Variants in ARHGEF28 observed in about 807,000 individuals in gnomAD.
ARHGEF28 encodes Rho guanine nucleotide exchange factor 28, also known as 190 kDa guanine nucleotide exchange factor.
ARHGEF28 carries 152 observed loss-of-function variants against 206.6 expected under a neutral mutation model. That is an observed-to-expected ratio of 0.74 (90% CI 0.64 to 0.84). ARHGEF28 has a LOEUF of 0.84. ARHGEF28 is among the 40% of genes least tolerant of loss of function. ARHGEF28 has a pLI of 0.00. For missense variants in ARHGEF28, 2,028 were observed against 2,073.2 expected, an observed-to-expected ratio of 0.98 and a Z score of 0.42; for synonymous variants, 763 against 776.4, an observed-to-expected ratio of 0.98 and a Z score of 0.29.
chr5:73,862,781 T>A (rs1257535446), intron 16 of ARHGEF28, among the ~76,000 whole-genome samples: 2 of 152,124 alleles, frequency 1.3e-5, no homozygotes, highest in Non-Finnish European at 2.9e-5. Context: ...TTGACACTTT[T>A]ATTCAGCTCT....
chr5:73,904,629 T>A (rs1762451089), intron 33 of ARHGEF28: 9 of 527,232 alleles, frequency 1.7e-5, no homozygotes, highest in Admixed American at 3.7e-5. Flanking sequence ...ATAAAACAGT[T>A]CATATCTTTA....
intron 10 of ARHGEF28, among the ~76,000 whole-genome samples, chr5:73,837,745 GTTT>G (rs565925682): frequency 1.5e-5 from 2 of 132,642 alleles, no homozygotes; most frequent in African/African-American, 5.5e-5. Context: ...CTTTCGTTTT[GTTT>G]TTTTTTTTTT....
At chr5:73,851,406 CTTTTT>C (rs77725087) in intron 13 of ARHGEF28, among the ~76,000 whole-genome samples, 1 of 139,332 alleles carries the variant, frequency 7.2e-6, no homozygotes, top group Admixed American at 7.1e-5. Flanking sequence ...TCTCATGCGT[CTTTTT>C]TTTTTTTTTG....
At chr5:73,843,184 A>G (rs1450082443) in intron 11 of ARHGEF28, among the ~76,000 whole-genome samples, 1 of 152,178 alleles carries the variant, frequency 6.6e-6, no homozygotes, top group Non-Finnish European at 1.5e-5. Context: ...TGGAAAGTTT[A>G]ACATTTCACT....
chr5:73,927,280 G>C (rs1344515040), intron 35 of ARHGEF28, among the ~76,000 whole-genome samples: 1 of 152,130 alleles, frequency 6.6e-6, no homozygotes, highest in Non-Finnish European at 1.5e-5. Flanking sequence ...GGGGGGCTGA[G>C]GCAGGAGGAT....
At chr5:73,636,854 T>A (rs1420519460) in intron 1 of ARHGEF28, among the ~76,000 whole-genome samples, 1 of 152,166 alleles carries the variant, frequency 6.6e-6, no homozygotes, top group East Asian at 1.9e-4. Flanking sequence ...GTAAGGATGG[T>A]GTCTTAAGCC....
intron 35 of ARHGEF28, among the ~76,000 whole-genome samples, chr5:73,936,831 G>T: frequency 6.6e-6 from 1 of 152,206 alleles, no homozygotes; most frequent in East Asian, 1.9e-4. Flanking sequence ...GCTCCGCAAA[G>T]TGCTGAGATT....
At chr5:73,763,409 C>A (rs1752717401) in intron 4 of ARHGEF28, among the ~76,000 whole-genome samples, 1 of 152,150 alleles carries the variant, frequency 6.6e-6, no homozygotes, top group Admixed American at 6.5e-5. Flanking sequence ...CTGAATGGAC[C>A]CTGCCTGGCT....
intron 1 of ARHGEF28, among the ~76,000 whole-genome samples, chr5:73,669,631 C>T (rs1198353941): frequency 4.6e-5 from 7 of 152,138 alleles, no homozygotes; most frequent in African/African-American, 9.7e-5. Context: ...AATATAACAA[C>T]GAATATAGAC....
intron 1 of ARHGEF28, among the ~76,000 whole-genome samples, chr5:73,633,470 T>C (rs897281807): frequency 6.6e-6 from 1 of 152,146 alleles, no homozygotes; most frequent in Non-Finnish European, 1.5e-5. Flanking sequence ...TTTTTGTCTA[T>C]TTCTCTCATA....
chr5:73,657,004 A>G (rs1018469448), intron 1 of ARHGEF28, among the ~76,000 whole-genome samples: 1 of 151,964 alleles, frequency 6.6e-6, no homozygotes, highest in African/African-American at 2.4e-5. Context: ...TCCTGTCTCT[A>G]CTAAAAAATA....
In ARHGEF28 at chr5:73,904,370, A is replaced by T. The variant is rs1403028361; in HGVS notation, c.4126A>T (p.Ile1376Leu). 2 of 1,613,252 alleles carry T rather than the reference A, an allele frequency of 1.2e-6. No homozygotes were observed. Among genetic ancestry groups the T allele is most frequent in the African/African-American group, 2.7e-5 (2 of 75,038 alleles). Reference sequence around the variant, plus strand: ...TTTTGTTTTTCAGATTATACAAGCCATACAGAATTTAACCCGTCTCTTATA... The same window carrying T: ...TTTTGTTTTTCAGATTATACAAGCCTTACAGAATTTAACCCGTCTCTTATA... ...GSSQSEIIQA[I>L]QNLTRLLYSL... The change falls in exon 33 of 36, where the codon ATA (isoleucine) becomes TTA (leucine). Residue 1376 changes from isoleucine to leucine, a missense_variant. By Grantham distance (5) the Ile-to-Leu change is conservative (BLOSUM62 2). Around this residue, in one of 3 missense-constraint regions of ARHGEF28, gnomAD observed 803 missense variants for 768.0 expected, o/e 1.05. Coordinates refer to ENST00000513042, the MANE Select transcript of ARHGEF28 (RefSeq NM_001177693.2).
chr5:73,903,863 GAC>G (rs1297002070), intron 31 of ARHGEF28: 5 of 256,618 alleles, frequency 1.9e-5, no homozygotes, highest in Non-Finnish European at 3.7e-5. Flanking sequence ...TGACCCAAAA[GAC>G]AACTTCAGTC....
chr5:73,749,526 G>A (rs571217589), intron 2 of ARHGEF28, among the ~76,000 whole-genome samples: 3 of 152,240 alleles, frequency 2.0e-5, no homozygotes, highest in East Asian at 1.9e-4. Flanking sequence ...AAAAGCAAAC[G>A]GCAACGAAGT....
chr5:73,685,556 G>A (rs1747409270), intron 2 of ARHGEF28, among the ~76,000 whole-genome samples: 2 of 152,124 alleles, frequency 1.3e-5, no homozygotes, highest in South Asian at 2.1e-4. Context: ...GGGCCTGGGT[G>A]TGTGAGGAGA....
intron 2 of ARHGEF28, among the ~76,000 whole-genome samples, chr5:73,740,749 A>G (rs1013569450): frequency 1.4e-4 from 22 of 152,050 alleles, no homozygotes; most frequent in Non-Finnish European, 2.8e-4. Context: ...AGCTTTGTCT[A>G]TATTTGTATT....
intron 2 of ARHGEF28, among the ~76,000 whole-genome samples, chr5:73,749,243 G>A (rs73763103): frequency 0.075 from 11,463 of 152,262 alleles, 1,471 homozygotes; most frequent in African/African-American, 0.26. Context: ...GATTCTTACA[G>A]CTGACTATGG....
chr5:73,876,447 C>G lies in ARHGEF28; in HGVS notation c.2814+3201C>G, dbSNP rs1389960064. Among the ~76,000 whole-genome samples the G allele has an allele frequency of 3.1e-5, 4 of 130,370 alleles. No individual in the cohort carries two copies. The Middle Eastern group carries it at 0.015, about 498-fold the overall frequency. The allele number at this position is 130,370 out of a possible 152,430, so 85.5% of individuals were successfully genotyped here. On this transcript the variant is annotated intron_variant, in intron 22 of 35. Transcript: ENST00000513042. Reference sequence around the variant, plus strand: ...TGCCTAATTGCCCTGGCCAGAACTTCCAACACTATGTTGAATAGGAGTGGT... The same window carrying G: ...TGCCTAATTGCCCTGGCCAGAACTTGCAACACTATGTTGAATAGGAGTGGT...
chr5:73,652,724 C>T (rs1269129029), intron 1 of ARHGEF28, among the ~76,000 whole-genome samples: 1 of 152,206 alleles, frequency 6.6e-6, no homozygotes, highest in Non-Finnish European at 1.5e-5. Flanking sequence ...ATCTGGAATC[C>T]TTTAAAGCTT....
Sources: gnomAD v4.1 joint callset for allele counts (sites outside exome capture counted in the v4.1 genomes callset) on GRCh38, gnomAD v4.1.1 for gene constraint, gnomAD v4.1.1 regional missense constraint, MANE v1.5 for transcripts, NCBI Gene and HGNC (gene_info 2026-07-23, HGNC 2026-07-21) for gene names.